BMPR1A: variants seen among roughly 807,000 people sequenced by gnomAD.
The protein encoded by BMPR1A is bone morphogenetic protein receptor type 1A.
Under a neutral mutation model 66.0 loss-of-function variants are expected in BMPR1A, and 7 were observed. That is an observed-to-expected ratio of 0.11 (90% confidence interval 0.06 to 0.20). The LOEUF (loss-of-function observed/expected upper bound fraction) is 0.20. Ranked by LOEUF, BMPR1A falls within the 10% of genes least tolerant of loss-of-function variation. The probability of loss-of-function intolerance (pLI) is 1.00; values close to 1 mark genes in which losing one functional copy is unlikely to be tolerated. For synonymous variants in BMPR1A, 200 were observed against 229.7 expected (o/e 0.87, Z 1.17); for missense variants, 408 against 669.1 (o/e 0.61, Z 4.31).
chr10:86,920,949 A>G (rs1041271169), intron 10 of BMPR1A, among the ~76,000 whole-genome samples: 1 of 141,460 alleles, frequency 7.1e-6, no homozygotes, highest in Non-Finnish European at 1.5e-5. Flanking sequence ...TCCGCCTCCC[A>G]GGTTCAAGTA....
intron 1 of BMPR1A, among the ~76,000 whole-genome samples, chr10:86,832,532 A>C (rs925616807): frequency 1.3e-5 from 2 of 152,098 alleles, no homozygotes; most frequent in Admixed American, 6.6e-5. Flanking sequence ...ACTTTAGTAA[A>C]TTTTTGTGCT....
intron 5 of BMPR1A, among the ~76,000 whole-genome samples, chr10:86,898,237 C>T (rs11813516): frequency 0.04 from 5,972 of 148,912 alleles, 403 homozygotes; most frequent in African/African-American, 0.14. Flanking sequence ...AGAAAAGGGA[C>T]GTATATAACA....
At position 86,852,120 on chromosome 10, in the gene BMPR1A, T is replaced by C. The variant is rs1246285843; in HGVS notation, c.-153+13141T>C. Among the ~76,000 whole-genome samples, 4 of 142,880 alleles carry C rather than the reference T, an allele frequency of 2.8e-5. No individual in the cohort carries two copies. In the South Asian group the frequency reaches 8.9e-4, roughly 32 times the overall value. The allele number at this position is 142,880 out of a possible 152,430, so 93.7% of individuals were successfully genotyped here. ...AGTCTGAAATACCCCTCACAACTGT[T>C]AAAAAAAAAAAAAAGTTCTTTCAAG... On this transcript the variant is annotated intron_variant, in intron 2 of 12. Transcript: ENST00000372037.
intron 1 of BMPR1A, among the ~76,000 whole-genome samples, chr10:86,768,027 A>G (rs1841196089): frequency 6.6e-6 from 1 of 152,188 alleles, no homozygotes; most frequent in Non-Finnish European, 1.5e-5. Flanking sequence ...CATGCCCCAA[A>G]TTCGGACAGC....
At chr10:86,892,787 G>A (rs551144276) in intron 5 of BMPR1A, among the ~76,000 whole-genome samples, 9 of 151,434 alleles carry the variant, frequency 5.9e-5, no homozygotes, top group South Asian at 4.2e-4. Context: ...TGCTTGAGCC[G>A]GGGAGGCCAA....
chr10:86,852,603 G>A (rs1312564197), intron 2 of BMPR1A, among the ~76,000 whole-genome samples: 1 of 152,122 alleles, frequency 6.6e-6, no homozygotes, highest in East Asian at 1.9e-4. Context: ...TAAAACGTGT[G>A]TGAAACCCTG....
chr10:86,929,198 A>G (rs938983193), downstream of BMPR1A: 1 of 152,184 alleles, frequency 6.6e-6, no homozygotes, highest in Admixed American at 6.5e-5. Flanking sequence ...ACTAGTGGAT[A>G]TGAACTTTTA....
rs763934014 is a variant in BMPR1A, at chr10:86,900,091, T to G, written c.495T>G (p.Ile165Met). The change falls in exon 7 of 13, where the codon ATT becomes ATG. Residue 165 changes from isoleucine (I) to methionine (M), a missense_variant. This residue lies in a region of BMPR1A where 174 missense variants were observed against 265.1 expected (regional missense o/e 0.66). Transcript: ENST00000372037. ...VLLISMAVCIIAMIIFSSCFC... is the reference protein window; with the variant it reads ...VLLISMAVCIMAMIIFSSCFC... Reference sequence around the variant, plus strand: ...TCATTTCTATGGCTGTCTGCATAATTGCTATGATCATCTTCTCCAGCTGCT... The same window carrying G: ...TCATTTCTATGGCTGTCTGCATAATGGCTATGATCATCTTCTCCAGCTGCT... 6.2e-7 allele frequency: 1 copy of G among 1,614,104 alleles called. No homozygotes were observed. Among genetic ancestry groups the G allele is most frequent in the South Asian group, 1.1e-5 (1 of 91,086 alleles).
intron 1 of BMPR1A, among the ~76,000 whole-genome samples, chr10:86,786,604 C>G (rs1841521804): frequency 6.6e-6 from 1 of 152,226 alleles, no homozygotes. Flanking sequence ...GGGCTCAGTC[C>G]TTAGACCTCT....
Position 86,900,052 on chromosome 10 carries a change from A to G in BMPR1A, c.456A>G (p.Arg152=), listed in dbSNP as rs2133456447. The G allele has an allele frequency of 1.9e-6, 3 of 1,614,134 alleles. No homozygotes were observed. In the African/African-American group the frequency reaches 4.0e-5, roughly 22 times the overall value. The change falls in exon 7 of 13, where the codon CGA becomes CGG. Residue 152 remains arginine (R), a synonymous_variant. Transcript: ENST00000372037. ...GTCCGTTTTTTGATGGCAGCATTCG[A>G]TGGCTGGTTTTGCTCATTTCTATGG... The part of the protein sequence containing the change: ...VIGPFFDGSI[R]WLVLLISMAV...
intron 1 of BMPR1A, among the ~76,000 whole-genome samples, chr10:86,791,711 CCCTT>C (rs765110217): frequency 2.0e-3 from 112 of 56,436 alleles, no homozygotes; most frequent in Middle Eastern, 0.012. Flanking sequence ...CTCCCTCCCT[CCCTT>C]CCTTCCTTCC....
intron 7 of BMPR1A, among the ~76,000 whole-genome samples, chr10:86,910,853 C>CT (rs1181496791): frequency 6.6e-6 from 1 of 152,140 alleles, no homozygotes; most frequent in Non-Finnish European, 1.5e-5. Context: ...CACCTGTAAT[C>CT]TCAGCAGTTT....
At chr10:86,855,425 T>C in intron 2 of BMPR1A, 1 of 688,618 alleles carries the variant, frequency 1.5e-6, no homozygotes, top group Non-Finnish European at 2.5e-6. Context: ...AAATGCTCCA[T>C]ACTTTTCTTA....
intron 2 of BMPR1A, among the ~76,000 whole-genome samples, chr10:86,862,978 CT>C (rs11405359): frequency 0.046 from 6,425 of 139,740 alleles, 190 homozygotes; most frequent in South Asian, 0.084. Flanking sequence ...TTTGAGCTGC[CT>C]TTTTTTTTTT....
chr10:86,868,697 C>T (rs1173815189), intron 2 of BMPR1A, among the ~76,000 whole-genome samples: 1 of 151,556 alleles, frequency 6.6e-6, no homozygotes, highest in Non-Finnish European at 1.5e-5. Flanking sequence ...TGAAAATCAA[C>T]GGTGGGGGGC....
chr10:86,847,166 CTT>C (rs1420668874), intron 2 of BMPR1A, among the ~76,000 whole-genome samples: 1 of 152,054 alleles, frequency 6.6e-6, no homozygotes, highest in African/African-American at 2.4e-5. Context: ...ATTTGGGGTA[CTT>C]TTAGATGCAG....
At chr10:86,765,334 A>G (rs1356332411) in intron 1 of BMPR1A, among the ~76,000 whole-genome samples, 2 of 151,706 alleles carry the variant, frequency 1.3e-5, no homozygotes, top group African/African-American at 4.8e-5. Flanking sequence ...AAAAATACAA[A>G]AATTAGCCGG....
chr10:86,918,992 TA>T (rs1843617345), intron 9 of BMPR1A, among the ~76,000 whole-genome samples, 179 bp from the exon 10 acceptor site: 4 of 152,242 alleles, frequency 2.6e-5, no homozygotes, highest in Non-Finnish European at 2.9e-5. Context: ...GAAGTACAGA[TA>T]TATGTGTAAA....
intron 2 of BMPR1A, among the ~76,000 whole-genome samples, chr10:86,846,074 G>A (rs1206984420): frequency 6.6e-6 from 1 of 152,106 alleles, no homozygotes; most frequent in African/African-American, 2.4e-5. Flanking sequence ...TACCACTGCA[G>A]CTGGTCCTGA....
Sources: gnomAD v4.1 joint callset for allele counts (sites outside exome capture counted in the v4.1 genomes callset) on GRCh38, gnomAD v4.1.1 for gene constraint, gnomAD v4.1.1 regional missense constraint, MANE v1.5 for transcripts, NCBI Gene and HGNC (gene_info 2026-07-23, HGNC 2026-07-21) for gene names.